ABCC10: variants seen among roughly 807,000 people sequenced by gnomAD.
The protein encoded by ABCC10 is ATP-binding cassette sub-family C member 10.
In ABCC10, 110 loss-of-function variants were observed where a neutral mutation model predicts 143.2. The observed-to-expected ratio is 0.77, with a 90% CI of 0.66 to 0.90. ABCC10 has a LOEUF of 0.90. ABCC10 is among the 40% of genes least tolerant of loss of function. ABCC10 has a pLI of 0.00. For missense variants in ABCC10, 1,700 were observed against 1,900.5 expected (o/e 0.89, Z 1.96); for synonymous variants, 805 against 846.7 (o/e 0.95, Z 0.85).
At chr6:43,451,294 G>A (rs770283438), downstream of ABCC10, 3 of 1,607,860 alleles carry the variant, frequency 1.9e-6, no homozygotes, top group African/African-American at 4.0e-5. The surrounding 1 kb of genome is among the most constrained non-coding windows in gnomAD (Gnocchi z 4.4). Context: ...GGGTGAGAGA[G>A]GACATGATAA....
rs774425721 is a variant in ABCC10, at chr6:43,448,959, A to G, written c.4038A>G (p.Leu1346=). The change falls in exon 19 of 22, where the codon CTA becomes CTG. Residue 1346 remains leucine, a synonymous_variant. Coordinates refer to ENST00000372530, the MANE Select transcript of ABCC10 (RefSeq NM_001198934.2). ...TVRENLDPQG[L]HKDRALWQAL... is the part of the protein sequence containing the mutation. ...GGGAAAACCTGGACCCCCAGGGCCT[A>G]CATAAGGACAGGGCCTTGTGGCAGG... 1.9e-6 allele frequency: 3 copies of G among 1,614,220 alleles called. No homozygotes were observed. Among genetic ancestry groups the G allele is most frequent in the East Asian group, 4.5e-5 (2 of 44,882 alleles).
At chr6:43,440,106 G>A (rs1782213581) in intron 8 of ABCC10, among the ~76,000 whole-genome samples, 1 of 152,042 alleles carries the variant, frequency 6.6e-6, no homozygotes. Context: ...ACAGGTGTAA[G>A]CTGCCACGCC....
chr6:43,429,414 G>A (rs1168308448), intron 2 of ABCC10, among the ~76,000 whole-genome samples: 1 of 4,912 alleles, frequency 2.0e-4, no homozygotes, highest in Non-Finnish European at 4.3e-4. Flanking sequence ...GTGTGTGGCG[G>A]GGGGGAGGGG....
intron 7 of ABCC10, 46 bp from the exon 8 acceptor site, chr6:43,438,578 C>T (rs2127394248): frequency 1.2e-6 from 2 of 1,601,998 alleles, no homozygotes; most frequent in East Asian, 2.2e-5. Context: ...CATGGAGGGA[C>T]CCAGAGGAGA....
Position 43,427,612 on chromosome 6 carries a change from C to T in ABCC10, c.-157C>T. The T allele has an allele frequency of 5.9e-6, 2 of 336,808 alleles. No homozygotes were observed. The highest frequency in any genetic ancestry group is 1.1e-5 in the Non-Finnish European group (2 of 177,020). The allele number at this position is 336,808 out of a possible 1,614,324, so 20.9% of individuals were successfully genotyped here. A position where few individuals can be genotyped will look rare whatever the true frequency, so the allele number is the denominator to read the frequency against. On this transcript the variant is annotated 5_prime_UTR_variant, in exon 1 of 22. Coordinates refer to ENST00000372530, the MANE Select transcript of ABCC10 (RefSeq NM_001198934.2). ...AGGTGGGGTGCCAGCCGGGGCGGGC[C>T]CAGCACCCCGGCCGGGCAGTACTTT... is the stretch of plus-strand genomic sequence containing the variant.
intron 4 of ABCC10, among the ~76,000 whole-genome samples, chr6:43,435,394 G>C (rs751417925): frequency 3.3e-5 from 5 of 152,148 alleles, no homozygotes; most frequent in African/African-American, 7.2e-5. Context: ...TTAACCAGGT[G>C]TGGTGATGCA....
In ABCC10 at chr6:43,444,318, C is replaced by T; in HGVS notation, c.2654C>T (p.Ala885Val). The T allele has an allele frequency of 6.2e-7, 1 of 1,611,172 alleles. No homozygotes were observed. Among genetic ancestry groups the T allele is most frequent in the Non-Finnish European group, 8.5e-7 (1 of 1,178,842 alleles). Residue 885 changes from alanine to valine, a missense_variant, in exon 12 of 22, where the codon GCC becomes GTC. Coordinates refer to ENST00000372530, the MANE Select transcript of ABCC10 (RefSeq NM_001198934.2). ...TGGAAGGCCGTGGGCCAGGGCTTGGCCTTAGCCATCCTCTTCTCTCTGCTT... is the reference window on the plus strand; with the variant it reads ...TGGAAGGCCGTGGGCCAGGGCTTGGTCTTAGCCATCCTCTTCTCTCTGCTT... ...AYWKAVGQGLALAILFSLLLM... is the reference protein window; with the variant it reads ...AYWKAVGQGLVLAILFSLLLM...
rs1782020752 is a variant in ABCC10 at position 43,438,785 on chromosome 6, A to G, written c.2117A>G (p.Asp706Gly). ...KEVLEACALNDDLSILPAGDQ... is the reference protein window; with the variant it reads ...KEVLEACALNGDLSILPAGDQ... ...GTGCTAGAAGCCTGCGCCCTCAATG[A>G]TGACCTCAGTGTGAGTGCCTGGCCT... The change falls in exon 8 of 22, where the codon GAT (aspartate) becomes GGT (glycine). Residue 706 changes from aspartate to glycine, a missense_variant. Transcript: ENST00000372530. 2.5e-6 allele frequency: 4 copies of G among 1,614,002 alleles called. No individual in the cohort carries two copies. The highest frequency in any genetic ancestry group is 1.3e-5 in the African/African-American group (1 of 74,918).
chr6:43,431,771 A>C, intron 2 of ABCC10: 1 of 1,066,418 alleles, frequency 9.4e-7, no homozygotes, highest in African/African-American at 1.7e-5. Context: ...CCCATCACCA[A>C]AGTAGCAAAC....
Position 43,443,046 on chromosome 6 carries a change from G to C in ABCC10, c.2303G>C (p.Cys768Ser). ...ADVANHLLHR[C>S]ILGMLSYTTR... is the part of the protein sequence containing the mutation. ...GTGGCCAACCACCTGCTGCACAGGT[G>C]CATCCTGGGCATGCTGAGCTACACC... The change falls in exon 10 of 22, where the codon TGC (cysteine) becomes TCC (serine). Residue 768 changes from cysteine (C) to serine (S), a missense_variant. By Grantham distance (112) the Cys-to-Ser change is moderately radical. Transcript: ENST00000372530. The surrounding 1 kb of genome is among the most constrained non-coding windows in gnomAD (Gnocchi z 4.2). 6.2e-7 allele frequency: 1 copy of C among 1,613,112 alleles called. No homozygotes were observed. Among genetic ancestry groups the C allele is most frequent in the East Asian group, 2.2e-5 (1 of 44,872 alleles).
chr6:43,432,012 G>A, intron 2 of ABCC10, 130 bp from the exon 3 acceptor site: 1 of 1,464,274 alleles, frequency 6.8e-7, no homozygotes, highest in Non-Finnish European at 9.1e-7. Context: ...AGGTAAAGTG[G>A]AGTAGGGATA....
rs768463841 is a variant in ABCC10, at chr6:43,447,693, G to A, written c.3715G>A (p.Gly1239Ser). 92 of 1,613,896 alleles carry A rather than the reference G, an allele frequency of 5.7e-5. No individual in the cohort carries two copies. The highest frequency in any genetic ancestry group is 4.0e-4 in the Admixed American group (24 of 59,996). ...CCATGGACCCCACCAGCTGGGCACC[G>A]GCTGGCTGACCCAGGGGGGCGTGGA... ...PQGQPLQLGT[G>S]WLTQGGVEFQ... Residue 1239 changes from glycine (G) to serine (S), a missense_variant, in exon 18 of 22, where the codon GGC (glycine) becomes AGC (serine). Transcript: ENST00000372530.
At chr6:43,439,621 G>A (rs866945785) in intron 8 of ABCC10, among the ~76,000 whole-genome samples, 1 of 151,944 alleles carries the variant, frequency 6.6e-6, no homozygotes, top group Non-Finnish European at 1.5e-5. Flanking sequence ...GTCTCACTGT[G>A]TTGCCAGGCT....
Position 43,445,198 on chromosome 6 carries a change from G to T in ABCC10, c.2914G>T (p.Ala972Ser), listed in dbSNP as rs768991641. The stretch of plus-strand genomic sequence containing the variant: ...CATCCGTTTCTACCTCACCGTGTAT[G>T]CGACCATTGCTGGTGTAAATTCCCT... ...SDIRFYLTVY[A>S]TIAGVNSLCT... The change falls in exon 14 of 22, where the codon GCG (alanine) becomes TCG (serine). Residue 972 changes from alanine (A) to serine (S), a missense_variant. Coordinates refer to ENST00000372530, the MANE Select transcript of ABCC10 (RefSeq NM_001198934.2). 1 of 1,614,100 alleles carries T rather than the reference G, an allele frequency of 6.2e-7. No homozygotes were observed.
chr6:43,427,903 G>C, intron 1 of ABCC10, 65 bp from the exon 2 acceptor site: 2 of 1,577,440 alleles, frequency 1.3e-6, no homozygotes, highest in South Asian at 2.2e-5. Context: ...GGGAGACCCG[G>C]CTGGGAAGTG....
intron 8 of ABCC10, among the ~76,000 whole-genome samples, chr6:43,440,270 T>C (rs1782248851): frequency 6.6e-6 from 1 of 151,730 alleles, no homozygotes; most frequent in Non-Finnish European, 1.5e-5. Flanking sequence ...CTTTCGTAGG[T>C]TTTTAGAGAA....
chr6:43,443,152 C>G lies in ABCC10; in HGVS notation c.2409C>G (p.Ile803Met). Reference sequence around the variant, plus strand: ...TGCTGATGGAGGCCGGGCGCCTCATCCGGGCTGGTAATGGGGGCAGGAGCC... The same window carrying G: ...TGCTGATGGAGGCCGGGCGCCTCATGCGGGCTGGTAATGGGGGCAGGAGCC... ...AVLLMEAGRL[I>M]RAGPPSEILP... Residue 803 changes from isoleucine (I) to methionine (M), a missense_variant, in exon 10 of 22, where the codon ATC (isoleucine) becomes ATG (methionine). By Grantham distance (10) the Ile-to-Met change is conservative (BLOSUM62 1). Coordinates refer to ENST00000372530, the MANE Select transcript of ABCC10 (RefSeq NM_001198934.2). The surrounding 1 kb of genome is among the most constrained non-coding windows in gnomAD (Gnocchi z 4.2). 1 of 1,597,234 alleles carries G rather than the reference C, an allele frequency of 6.3e-7. No homozygotes were observed.
Position 43,443,887 on chromosome 6 carries a change from A to G in ABCC10, c.2417-46A>G, listed in dbSNP as rs776872754. The G allele has an allele frequency of 5.8e-6, 9 of 1,553,166 alleles. No individual in the cohort carries two copies. Among genetic ancestry groups the G allele is most frequent in the South Asian group, 1.1e-5 (1 of 89,898 alleles). ...GCACACGCACTGAGAAAGGCATAGT[A>G]TAGACTCAGAACAGTCCTCTCCCAA... On this transcript the variant is annotated intron_variant, in intron 10 of 21. Coordinates refer to ENST00000372530, the MANE Select transcript of ABCC10 (RefSeq NM_001198934.2). The surrounding 1 kb of genome is among the most constrained non-coding windows in gnomAD (Gnocchi z 4.2).
intron 21 of ABCC10, 87 bp from the exon 22 acceptor site, chr6:43,449,842 C>G: frequency 6.8e-7 from 1 of 1,479,078 alleles, no homozygotes. Flanking sequence ...CTGTGGTGTC[C>G]CGAGGGGAGA....
Sources: gnomAD v4.1 joint callset for allele counts (sites outside exome capture counted in the v4.1 genomes callset) on GRCh38, gnomAD v4.1.1 for gene constraint, Gnocchi (gnomAD v3.1) non-coding constraint, MANE v1.5 for transcripts, NCBI Gene and HGNC (gene_info 2026-07-23, HGNC 2026-07-21) for gene names.